Variants in PCDHA5 observed in about 807,000 individuals in gnomAD.
PCDHA5 encodes protocadherin alpha 5.
A neutral mutation model predicts 61.6 loss-of-function variants in PCDHA5; 43 were observed. That is an observed-to-expected ratio of 0.70 (90% confidence interval 0.55 to 0.90). PCDHA5 has a LOEUF of 0.90. Among genes scored for constraint, PCDHA5 ranks in the 40% least tolerant of loss-of-function variants. PCDHA5 has a pLI of 0.00. For synonymous variants in PCDHA5, 627 were observed against 543.9 expected (o/e 1.15, Z -2.13); for missense variants, 1,298 against 1,222.7 (o/e 1.06, Z -0.92).
At chr5:140,998,754 C>T (rs2097832847) in intron 3 of PCDHA5, among the ~76,000 whole-genome samples, 1 of 152,056 alleles carries the variant, frequency 6.6e-6, no homozygotes, top group African/African-American at 2.4e-5. Context: ...AGAAGAGACA[C>T]AGTTTCACTA....
chr5:140,993,462 T>TCTCACACACACA (rs1235362335), intron 3 of PCDHA5, among the ~76,000 whole-genome samples: 1 of 140,938 alleles, frequency 7.1e-6, no homozygotes, highest in African/African-American at 2.6e-5. Context: ...TCTTTCTTTC[T>TCTCACACACACA]CACACACACA....
rs1554146062 is a variant in PCDHA5, at chr5:140,852,704, C to G, written c.2352+28577C>G. The G allele has an allele frequency of 8.2e-6, 8 of 978,408 alleles. 1 individual carries two copies. The highest frequency in any genetic ancestry group is 7.4e-6 in the Non-Finnish European group (6 of 811,580). The allele number at this position is 978,408 out of a possible 1,614,324, so 60.6% of individuals were successfully genotyped here. ...AATATAGTCTTATACTTTCAAGTAT[C>G]TTTGTCTTTGCACGTTTTTCAAGTT... On this transcript the variant is annotated intron_variant, in intron 1 of 3. Transcript: ENST00000529859.
intron 1 of PCDHA5, chr5:140,862,986 T>C (rs897931834): frequency 3.7e-6 from 2 of 546,930 alleles, no homozygotes; most frequent in Non-Finnish European, 3.6e-6. Flanking sequence ...GTGGCGAAGG[T>C]GCGCACGGTG....
At chr5:140,960,742 T>C (rs1336861398) in intron 1 of PCDHA5, among the ~76,000 whole-genome samples, 1 of 151,530 alleles carries the variant, frequency 6.6e-6, no homozygotes, top group Non-Finnish European at 1.5e-5. Flanking sequence ...TTTTAGTCCA[T>C]GGCTAAAATC....
At chr5:140,838,280 A>ATTTTTTT (rs2150286950) in intron 1 of PCDHA5, among the ~76,000 whole-genome samples, 30 of 139,570 alleles carry the variant, frequency 2.1e-4, no homozygotes, top group African/African-American at 6.5e-4. Context: ...AGCCATGCTA[A>ATTTTTTT]TTTTTTTTTT....
At chr5:140,888,796 T>C (rs1158691492) in intron 1 of PCDHA5, among the ~76,000 whole-genome samples, 1 of 152,008 alleles carries the variant, frequency 6.6e-6, no homozygotes, top group East Asian at 1.9e-4. Context: ...TCTGGGGAGG[T>C]TGATCAGTGA....
At chr5:141,006,579 T>C (rs1208750821) in intron 3 of PCDHA5, among the ~76,000 whole-genome samples, 1 of 151,702 alleles carries the variant, frequency 6.6e-6, no homozygotes, top group Non-Finnish European at 1.5e-5. Context: ...GTGTGGAGGG[T>C]TGGAGAGAAG....
chr5:140,830,775 A>T, intron 1 of PCDHA5: 1 of 167,192 alleles, frequency 6.0e-6, no homozygotes. Context: ...TCATAGTAGC[A>T]TTTTTTTCTG....
chr5:140,852,681 T>A, intron 1 of PCDHA5: 1 of 968,122 alleles, frequency 1.0e-6, no homozygotes, highest in Non-Finnish European at 1.2e-6. Context: ...TCACCTTGAA[T>A]ATAGTCTTAT....
rs1775369945 is a variant in PCDHA5 at position 140,838,007 on chromosome 5, A to G, written c.2352+13880A>G. Among the ~76,000 whole-genome samples, 3 of 151,520 alleles carry G rather than the reference A, an allele frequency of 2.0e-5. No homozygotes were observed. In the South Asian group the frequency reaches 6.3e-4, roughly 32 times the overall value. ...CTTTCATCTTTCCTTTTTTTTAAAA[A>G]AAGAAGTGATTACAGTAGAAACCTA... On this transcript the variant is annotated intron_variant, in intron 1 of 3. Coordinates refer to ENST00000529859, the MANE Select transcript of PCDHA5 (RefSeq NM_018908.3).
chr5:140,982,661 T>C, intron 3 of PCDHA5, 98 bp downstream of exon 3: 1 of 1,482,624 alleles, frequency 6.7e-7, no homozygotes, highest in Admixed American at 2.6e-5. Flanking sequence ...TCTTTTTCTT[T>C]TATATTTTTG....
At position 140,822,704 on chromosome 5, in the gene PCDHA5, A is replaced by G. The variant is rs1767403436; in HGVS notation, c.929A>G (p.Glu310Gly). Residue 310 changes from glutamate (E) to glycine (G), a missense_variant, in exon 1 of 4, where the codon GAA becomes GGA. Glu to Gly is a moderately conservative substitution (Grantham distance 98). Coordinates refer to ENST00000529859, the MANE Select transcript of PCDHA5 (RefSeq NM_018908.3). ...EIKVNGELDY[E>G]DYNSYEINID... The stretch of plus-strand genomic sequence containing the variant: ...AAAGTTAACGGGGAACTGGATTATG[A>G]AGACTATAACTCATATGAAATTAAT... 1.2e-6 allele frequency: 2 copies of G among 1,610,868 alleles called. No homozygotes were observed. Among genetic ancestry groups the G allele is most frequent in the Admixed American group, 3.3e-5 (2 of 60,022 alleles).
rs184768008 is a variant in PCDHA5 at position 140,933,949 on chromosome 5, G to C, written c.2353-45000G>C. ...GTTGTGACTTTTTTTCACATCTGCA[G>C]GATCTGTAGTGATGTTTCCCTTTTC... On this transcript the variant is annotated intron_variant, in intron 1 of 3. Coordinates refer to ENST00000529859, the MANE Select transcript of PCDHA5 (RefSeq NM_018908.3). Among the ~76,000 whole-genome samples the C allele has an allele frequency of 8.5e-4, 129 of 151,910 alleles. 1 individual carries two copies. The highest frequency in any genetic ancestry group is 3.0e-3 in the African/African-American group (123 of 41,458).
intron 1 of PCDHA5, chr5:140,883,561 C>T: frequency 1.2e-6 from 2 of 1,614,156 alleles, no homozygotes; most frequent in Non-Finnish European, 1.7e-6. Flanking sequence ...GGGACGGGGG[C>T]TCGCCTTCGC....
rs114742019 is a variant in PCDHA5, at chr5:140,911,730, G to A, written c.2353-67219G>A. Among the ~76,000 whole-genome samples the A allele has an allele frequency of 8.1e-3, 1,236 of 152,190 alleles. 6 individuals carry two copies. The highest frequency in any genetic ancestry group is 0.019 in the African/African-American group (801 of 41,524). ...TTTTGTGTAACTCTGTAAACAGTTC[G>A]TGCCAAGGACTATCAGTGTTCTCCA... is the stretch of plus-strand genomic sequence containing the variant. On this transcript the variant is annotated intron_variant, in intron 1 of 3. Coordinates refer to ENST00000529859, the MANE Select transcript of PCDHA5 (RefSeq NM_018908.3).
chr5:140,973,782 C>T lies in PCDHA5; in HGVS notation c.2353-5167C>T, dbSNP rs533593200. ...CACAGCCTGGCATATTATAGGTTGCCTATTGGCATGCTGTCTACTTGACAG... is the reference window on the plus strand; with the variant it reads ...CACAGCCTGGCATATTATAGGTTGCTTATTGGCATGCTGTCTACTTGACAG... On this transcript the variant is annotated intron_variant, in intron 1 of 3. Transcript: ENST00000529859. 1.5e-3 allele frequency among the ~76,000 whole-genome samples: 225 copies of T among 152,326 alleles called. 1 individual carries two copies. Among genetic ancestry groups the T allele is most frequent in the African/African-American group, 5.2e-3 (216 of 41,582 alleles).
At chr5:140,923,043 T>C (rs1274355780) in intron 1 of PCDHA5, among the ~76,000 whole-genome samples, 2 of 152,228 alleles carry the variant, frequency 1.3e-5, no homozygotes, top group Non-Finnish European at 1.5e-5. Context: ...ACATGTATAG[T>C]ATTTAGAATA....
chr5:140,924,942 GT>G (rs1180985667), intron 1 of PCDHA5, among the ~76,000 whole-genome samples: 3 of 120,862 alleles, frequency 2.5e-5, no homozygotes, highest in African/African-American at 8.7e-5. Context: ...AAAATAAAAA[GT>G]TAAAAAAAAA....
intron 1 of PCDHA5, chr5:140,968,753 C>G: frequency 1.2e-6 from 2 of 1,614,022 alleles, no homozygotes; most frequent in Non-Finnish European, 1.7e-6. Flanking sequence ...CGTGGTGGTC[C>G]GAGATAATGG....
Sources: gnomAD v4.1 joint callset for allele counts (sites outside exome capture counted in the v4.1 genomes callset) on GRCh38, gnomAD v4.1.1 for gene constraint, MANE v1.5 for transcripts, NCBI Gene and HGNC (gene_info 2026-07-23, HGNC 2026-07-21) for gene names.